Variants in ATF2 observed in about 807,000 individuals in gnomAD.
ATF2 encodes activating transcription factor 2.
In ATF2, 24 loss-of-function variants were observed where a neutral mutation model predicts 60.6. That is an observed-to-expected ratio of 0.40 (90% CI 0.29 to 0.56). The LOEUF is 0.56. Among genes scored for constraint, ATF2 ranks in the 20% least tolerant of loss-of-function variants. The pLI is 0.54. For synonymous variants in ATF2, 206 were observed against 215.4 expected, an observed-to-expected ratio of 0.96 and a Z score of 0.38; for missense variants, 433 against 607.7, an observed-to-expected ratio of 0.71 and a Z score of 3.02.
At chr2:175,163,527 T>C (rs1574520459) in intron 1 of ATF2, among the ~76,000 whole-genome samples, 1 of 152,206 alleles carries the variant, frequency 6.6e-6, no homozygotes, top group South Asian at 2.1e-4. Flanking sequence ...AGAACCACTA[T>C]CTTTGTTAAG....
In ATF2 at chr2:175,140,271, T is replaced by G. The variant is rs13398102; in HGVS notation, c.-43-3785A>C. Among the ~76,000 whole-genome samples, 310 of 152,308 alleles carry G rather than the reference T, an allele frequency of 2.0e-3. 3 individuals carry two copies. The highest frequency in any genetic ancestry group is 6.7e-3 in the African/African-American group (278 of 41,572). ...GATTTGCTCTTCTTTTACTAATAACTTGGTTCAAAGTGACAATGGCATTCT... is the reference window on the plus strand; with the variant it reads ...GATTTGCTCTTCTTTTACTAATAACGTGGTTCAAAGTGACAATGGCATTCT... On this transcript the variant is annotated intron_variant, in intron 2 of 13. Transcript: ENST00000264110.
At chr2:175,086,017 T>C (rs996367252) in intron 12 of ATF2, among the ~76,000 whole-genome samples, 1 of 152,250 alleles carries the variant, frequency 6.6e-6, no homozygotes, top group African/African-American at 2.4e-5. Flanking sequence ...AAATTATATT[T>C]ATCCAAAATT....
chr2:175,121,158 T>C (rs375144968), intron 5 of ATF2, among the ~76,000 whole-genome samples: 2 of 151,820 alleles, frequency 1.3e-5, no homozygotes, highest in Non-Finnish European at 3.0e-5. Context: ...TTAGTTCAAT[T>C]ATTAGTTAAA....
rs748103537 is a variant in ATF2, at chr2:175,154,225, G to GAAAA, written c.-142-3071_-142-3068dup. Among the ~76,000 whole-genome samples, 705 of 141,600 alleles carry GAAAA rather than the reference G, an allele frequency of 5.0e-3. 5 individuals are homozygous for GAAAA. Among genetic ancestry groups the GAAAA allele is most frequent in the African/African-American group, 0.015 (578 of 38,454 alleles). The allele number at this position is 141,600 out of a possible 152,430, so 92.9% of individuals were successfully genotyped here. Reference sequence around the variant, plus strand: ...GCGAAACTCCATCTCAAAAAGAAAAGAAAAAAAAAATATATATATATATAT... The same window carrying GAAAA: ...GCGAAACTCCATCTCAAAAAGAAAAGAAAAAAAAAAAAAATATATATATATATAT... On this transcript the variant is annotated intron_variant, in intron 1 of 13. Transcript: ENST00000264110.
chr2:175,138,067 T>C (rs79053601), intron 2 of ATF2, among the ~76,000 whole-genome samples: 3 of 152,216 alleles, frequency 2.0e-5, no homozygotes. Flanking sequence ...AGTCAATGAC[T>C]GCACATAGAC....
chr2:175,116,757 G>A (rs764025216), intron 7 of ATF2, among the ~76,000 whole-genome samples: 1 of 151,752 alleles, frequency 6.6e-6, no homozygotes, highest in South Asian at 2.1e-4. Context: ...AAGCAGCCAC[G>A]AACAATGAAA....
At chr2:175,142,833 A>T (rs554922601) in intron 2 of ATF2, among the ~76,000 whole-genome samples, 11 of 150,204 alleles carry the variant, frequency 7.3e-5, no homozygotes, top group African/African-American at 2.7e-4. Context: ...AGCAAGAGAG[A>T]GAGTGTGTGT....
chr2:175,082,037 GAC>G (rs1442682216), intron 12 of ATF2, among the ~76,000 whole-genome samples: 1 of 152,204 alleles, frequency 6.6e-6, no homozygotes, highest in Admixed American at 6.5e-5. Context: ...CAGCCTTGGT[GAC>G]AGAGTGAGAC....
At chr2:175,107,917 C>CAA (rs1390174995) in intron 10 of ATF2, among the ~76,000 whole-genome samples, 2 of 152,214 alleles carry the variant, frequency 1.3e-5, no homozygotes, top group Non-Finnish European at 1.5e-5. Context: ...CGGCTCGCTA[C>CAA]AACCTCCACC....
rs1287358414 is a variant in ATF2 at position 175,141,016 on chromosome 2, A to T, written c.-43-4530T>A. 2.0e-3 allele frequency among the ~76,000 whole-genome samples: 230 copies of T among 115,020 alleles called. 1 individual carries two copies. Among genetic ancestry groups the T allele is most frequent in the East Asian group, 5.1e-3 (20 of 3,940 alleles). 75.5% of individuals were successfully genotyped at this position (115,020 alleles called of 152,430 possible). A position where few individuals can be genotyped will look rare whatever the true frequency, so the allele number is the denominator to read the frequency against. ...TATCTCAGGAAAAAAAAAAAAAAAA[A>T]AAAAAAAAAAAAAAATATATATATA... On this transcript the variant is annotated intron_variant, in intron 2 of 13. Coordinates refer to ENST00000264110, the MANE Select transcript of ATF2 (RefSeq NM_001880.4).
At chr2:175,124,233 A>C (rs1322123337) in intron 4 of ATF2, among the ~76,000 whole-genome samples, 2 of 151,948 alleles carry the variant, frequency 1.3e-5, no homozygotes, top group South Asian at 4.1e-4. Flanking sequence ...TATTTTGTTA[A>C]ACAAGACTAA....
intron 5 of ATF2, among the ~76,000 whole-genome samples, chr2:175,119,133 T>C (rs548724187): frequency 5.3e-5 from 8 of 151,814 alleles, no homozygotes; most frequent in Admixed American, 4.6e-4. Flanking sequence ...TGTCCATGTA[T>C]AGGCTACAAA....
intron 3 of ATF2, 150 bp from the exon 4 acceptor site, chr2:175,130,357 T>C (rs768955753): frequency 2.8e-5 from 14 of 493,104 alleles, no homozygotes; most frequent in Non-Finnish European, 4.7e-5. Flanking sequence ...TCTATCTTTC[T>C]TATTATGAGA....
rs1437263913 is a variant in ATF2 at position 175,073,254 on chromosome 2, G to T, written c.*1355C>A. ...AATAAAAATAGATAATGGCACATTAGAAAACTAAGTATCCCACAGATGATT... is the reference window on the plus strand; with the variant it reads ...AATAAAAATAGATAATGGCACATTATAAAACTAAGTATCCCACAGATGATT... On this transcript the variant is annotated 3_prime_UTR_variant, in exon 14 of 14. Transcript: ENST00000264110. 6.6e-6 allele frequency: 1 copy of T among 151,996 alleles called. No homozygotes were observed. The highest frequency in any genetic ancestry group is 1.5e-5 in the Non-Finnish European group (1 of 67,988). 9.4% of individuals were successfully genotyped at this position (151,996 alleles called of 1,614,324 possible).
rs1209739616 is a variant in ATF2, at chr2:175,158,204, C to T, written c.-142-7046G>A. 3.3e-5 allele frequency among the ~76,000 whole-genome samples: 5 copies of T among 151,808 alleles called. No individual in the cohort carries two copies. The East Asian group carries it at 9.6e-4, about 29-fold the overall frequency. On this transcript the variant is annotated intron_variant, in intron 1 of 13. Coordinates refer to ENST00000264110, the MANE Select transcript of ATF2 (RefSeq NM_001880.4). Reference sequence around the variant, plus strand: ...CACGACCTAGTAGGACTTCACTTGCCTCTCAAGACTAAAGTATTTTGAATT... The same window carrying T: ...CACGACCTAGTAGGACTTCACTTGCTTCTCAAGACTAAAGTATTTTGAATT...
chr2:175,155,017 G>A (rs1699583039), intron 1 of ATF2, among the ~76,000 whole-genome samples: 1 of 152,232 alleles, frequency 6.6e-6, no homozygotes, highest in Non-Finnish European at 1.5e-5. Flanking sequence ...GAGGTAGGCA[G>A]GAGGTGGACA....
At position 175,074,813 on chromosome 2, in the gene ATF2, T is replaced by C; in HGVS notation, c.1314A>G (p.Ser438=). Residue 438 remains serine (S), a synonymous_variant, in exon 14 of 14, where the codon TCA becomes TCG. Coordinates refer to ENST00000264110, the MANE Select transcript of ATF2 (RefSeq NM_001880.4). ...GACTACTCGGCACTGAAATGTCTTC[T>C]GAACTATCATCTTTATCAGCAGCTG... is the stretch of plus-strand genomic sequence containing the variant. ...GYHTADKDDS[S]EDISVPSSPH... is the part of the protein sequence containing the mutation. 6.2e-7 allele frequency: 1 copy of C among 1,613,506 alleles called. No homozygotes were observed. Among genetic ancestry groups the C allele is most frequent in the Non-Finnish European group, 8.5e-7 (1 of 1,179,640 alleles).
At chr2:175,083,453 G>A (rs1693912862) in intron 12 of ATF2, among the ~76,000 whole-genome samples, 2 of 152,134 alleles carry the variant, frequency 1.3e-5, no homozygotes, top group African/African-American at 2.4e-5. Context: ...TATGTAGAAA[G>A]CTGAAACTGG....
chr2:175,126,652 T>C (rs1697358531), intron 4 of ATF2: 1 of 152,230 alleles, frequency 6.6e-6, no homozygotes, highest in Admixed American at 6.5e-5. Flanking sequence ...TTAATTGTAA[T>C]GCTTTTATTT....
Sources: allele counts gnomAD v4.1 joint callset (sites outside exome capture counted in the v4.1 genomes callset), GRCh38; gene constraint gnomAD v4.1.1; transcripts MANE v1.5; gene names NCBI Gene and HGNC (gene_info 2026-07-23, HGNC 2026-07-21).